The following SAXO5 variants were observed in gnomAD, a reference collection of about 807,000 sequenced individuals.
SAXO5 encodes testis expressed 45.
At chr19:7,505,780 C>T in the SAXO5 span, among the ~76,000 whole-genome samples, 1 of 152,136 alleles carries the variant, frequency 6.6e-6, no homozygotes, top group Non-Finnish European at 1.5e-5. Context: ...CTTAACCACT[C>T]CGATCCTCCT....
At chr19:7,500,846 G>T in the SAXO5 span, 1 of 1,527,786 alleles carries the variant, frequency 6.5e-7, no homozygotes. Context: ...CCCTCCTGCC[G>T]TGCTCGCGCC....
At chr19:7,504,127 C>T in the SAXO5 span, 26 of 1,612,960 alleles carry the variant, frequency 1.6e-5, 1 homozygote, top group South Asian at 2.7e-4. Context: ...TAAGGGGGCC[C>T]CAACACCCTC....
At chr19:7,503,797 T>G in the SAXO5 span, among the ~76,000 whole-genome samples, 5 of 151,972 alleles carry the variant, frequency 3.3e-5, no homozygotes, top group Admixed American at 3.3e-4. Context: ...ATTTTTAAAT[T>G]TATCATTATT....
At chr19:7,502,388 G>T in the SAXO5 span, among the ~76,000 whole-genome samples, 1 of 152,136 alleles carries the variant, frequency 6.6e-6, no homozygotes, top group East Asian at 1.9e-4. Context: ...GGGATTATAG[G>T]CATGAGCCAC....
chr19:7,504,446 G>T, the SAXO5 span: 2 of 1,554,224 alleles, frequency 1.3e-6, no homozygotes, highest in Admixed American at 1.7e-5. Flanking sequence ...GGTGGCTCAT[G>T]CCTGTAATCC....
At chr19:7,506,947 C>T in the SAXO5 span, 1 of 844,596 alleles carries the variant, frequency 1.2e-6, no homozygotes, top group Non-Finnish European at 2.0e-6. Context: ...TGGTCAACTT[C>T]AGCGCTGGCC....
the SAXO5 span, chr19:7,508,113 C>T: frequency 1.9e-6 from 2 of 1,068,284 alleles, no homozygotes; most frequent in African/African-American, 3.2e-5. Context: ...GGCCCCGCCC[C>T]CTGACTCATC....
chr19:7,500,755 C>A, the SAXO5 span: 1 of 1,353,066 alleles, frequency 7.4e-7, no homozygotes, highest in Non-Finnish European at 9.6e-7. Context: ...GAGTCAAAGG[C>A]AAGTGCCCCA....
chr19:7,506,779 C>T, the SAXO5 span: 2 of 457,780 alleles, frequency 4.4e-6, no homozygotes, highest in Admixed American at 7.5e-5. Context: ...CTCCTCTCTC[C>T]TCCCCTGGCT....
At chr19:7,508,158 G>A in the SAXO5 span, 13 of 1,535,478 alleles carry the variant, frequency 8.5e-6, no homozygotes, top group East Asian at 4.5e-5. Flanking sequence ...AGGGTGGATC[G>A]GCCACCTCCC....
chr19:7,505,662 G>A, the SAXO5 span: 402 of 1,588,806 alleles, frequency 2.5e-4, 5 homozygotes, highest in East Asian at 6.7e-3. Context: ...CAGGGAAAAG[G>A]GCTTCCCAGA....
chr19:7,504,680 T>C, the SAXO5 span, among the ~76,000 whole-genome samples: 1 of 148,556 alleles, frequency 6.7e-6, no homozygotes, highest in African/African-American at 2.5e-5. Context: ...CACTCCAGCC[T>C]GTTCGACAGA....
the SAXO5 span, chr19:7,500,811 T>C: frequency 1.4e-6 from 2 of 1,454,616 alleles, no homozygotes; most frequent in Admixed American, 2.5e-5. Context: ...CGCAGGTGGC[T>C]GGTGTCCCGC....
the SAXO5 span, chr19:7,501,317 G>A: frequency 6.4e-7 from 1 of 1,572,574 alleles, no homozygotes; most frequent in Admixed American, 1.7e-5. Context: ...GCGACAAGTT[G>A]CGCATCCCGC....
the SAXO5 span, among the ~76,000 whole-genome samples, chr19:7,499,337 G>C: frequency 1.2e-4 from 17 of 136,138 alleles, no homozygotes; most frequent in African/African-American, 4.3e-4. Context: ...GAAAGAAAGA[G>C]AGAGAAGGTA....
chr19:7,501,012 G>T, the SAXO5 span: 5 of 1,527,952 alleles, frequency 3.3e-6, no homozygotes, highest in Non-Finnish European at 4.4e-6. Context: ...GCCGCCGCCC[G>T]CGCTGCTTTT....
the SAXO5 span, chr19:7,506,128 C>A: frequency 1.2e-6 from 2 of 1,612,182 alleles, no homozygotes; most frequent in Non-Finnish European, 1.7e-6. Flanking sequence ...CGCCCAACCT[C>A]CACTTGCAGC....
chr19:7,498,119 C>T, the SAXO5 span, among the ~76,000 whole-genome samples: 2 of 149,078 alleles, frequency 1.3e-5, no homozygotes, highest in African/African-American at 5.0e-5. Context: ...AAAAAAGCAA[C>T]AAACTTACAC....
At chr19:7,501,023 C>T in the SAXO5 span, 4 of 1,525,242 alleles carry the variant, frequency 2.6e-6, no homozygotes, top group Middle Eastern at 2.1e-4. Context: ...CGCTGCTTTT[C>T]CCAATGGACC....
Sources: allele counts gnomAD v4.1 joint callset (sites outside exome capture counted in the v4.1 genomes callset), GRCh38; gene constraint gnomAD v4.1.1; transcripts MANE v1.5; gene names NCBI Gene and HGNC (gene_info 2026-07-23, HGNC 2026-07-21).